KATNIP: variants seen among roughly 807,000 people sequenced by gnomAD.
KATNIP encodes katanin interacting protein.
Under a neutral mutation model 174.0 loss-of-function variants are expected in KATNIP, and 126 were observed. The observed-to-expected ratio is 0.72, with a 90% CI of 0.63 to 0.84. KATNIP has a LOEUF of 0.84. Among genes scored for constraint, KATNIP ranks in the 40% least tolerant of loss-of-function variants. KATNIP has a pLI of 0.00. For missense variants in KATNIP, 1,958 were observed against 2,109.7 expected, an observed-to-expected ratio of 0.93 and a Z score of 1.41; for synonymous variants, 810 against 835.7, an observed-to-expected ratio of 0.97 and a Z score of 0.53.
At chr16:27,726,331 G>A (rs60705880) in intron 14 of KATNIP, among the ~76,000 whole-genome samples, 203 of 152,272 alleles carry the variant, frequency 1.3e-3, no homozygotes, top group African/African-American at 4.5e-3. Context: ...GTAGGCCACC[G>A]CTGCTTGCTA....
chr16:27,554,466 A>G (rs975778663), intron 1 of KATNIP, among the ~76,000 whole-genome samples: 2 of 152,218 alleles, frequency 1.3e-5, no homozygotes, highest in Non-Finnish European at 2.9e-5. Context: ...CTGTCTCAAA[A>G]GAAAAAAAAT....
intron 12 of KATNIP, 125 bp downstream of exon 12, chr16:27,704,123 C>T (rs74016986): frequency 0.019 from 11,452 of 603,254 alleles, 384 homozygotes; most frequent in East Asian, 0.12. Context: ...GTTTCCACCG[C>T]CCCCCCCCTC....
chr16:27,669,821 T>C (rs1017626041), intron 6 of KATNIP, among the ~76,000 whole-genome samples: 1 of 151,058 alleles, frequency 6.6e-6, no homozygotes, highest in African/African-American at 2.4e-5. Context: ...ATATTTTCTT[T>C]GGGGAGAGGG....
At chr16:27,701,018 T>C (rs2079079021) in intron 10 of KATNIP, among the ~76,000 whole-genome samples, 2 of 151,962 alleles carry the variant, frequency 1.3e-5, no homozygotes, top group Non-Finnish European at 2.9e-5. Context: ...TTAGCGTCGA[T>C]GACAAATGAA....
At chr16:27,728,948 A>G (rs144648617) in intron 14 of KATNIP, among the ~76,000 whole-genome samples, 1 of 152,354 alleles carries the variant, frequency 6.6e-6, no homozygotes, top group African/African-American at 2.4e-5. Flanking sequence ...CTGGTGCAGC[A>G]GGAGAAATCA....
chr16:27,749,570 G>T lies in KATNIP; in HGVS notation c.2624-14G>T. ...ACTCACAGGGCTTCCCCCCTCTTGT[G>T]TCCTTTCTTCCAGAAGACACCTGGT... is the stretch of plus-strand genomic sequence containing the variant. On this transcript the variant is annotated splice_polypyrimidine_tract_variant and intron_variant, in intron 15 of 27. Coordinates refer to ENST00000261588, the MANE Select transcript of KATNIP (RefSeq NM_015202.5). The T allele has an allele frequency of 6.6e-7, 1 of 1,523,010 alleles. No individual in the cohort carries two copies. The allele number at this position is 1,523,010 out of a possible 1,614,324, so 94.3% of individuals were successfully genotyped here.
At chr16:27,684,146 C>G (rs1234215359) in intron 8 of KATNIP, among the ~76,000 whole-genome samples, 2 of 152,166 alleles carry the variant, frequency 1.3e-5, no homozygotes, top group Non-Finnish European at 2.9e-5. Context: ...GTGTGTAGGA[C>G]TACATATGTA....
At chr16:27,576,661 A>T (rs1220022510) in intron 2 of KATNIP, among the ~76,000 whole-genome samples, 1 of 151,942 alleles carries the variant, frequency 6.6e-6, no homozygotes, top group Non-Finnish European at 1.5e-5. Flanking sequence ...AAAACAAAAA[A>T]AAACAGCAAG....
rs1260516829 is a variant in KATNIP, at chr16:27,778,558, T to G, written c.4802-16T>G. 8 of 1,613,188 alleles carry G rather than the reference T, an allele frequency of 5.0e-6. No homozygotes were observed. The highest frequency in any genetic ancestry group is 1.7e-4 in the Middle Eastern group (1 of 6,054). On this transcript the variant is annotated splice_polypyrimidine_tract_variant and intron_variant, in intron 27 of 27. Coordinates refer to ENST00000261588, the MANE Select transcript of KATNIP (RefSeq NM_015202.5). ...AGACTTAGTAACTCTGGTCCCTCTG[T>G]TCCCTGTCATGACAGCCTTACGTCC...
chr16:27,777,748 C>A lies in KATNIP; in HGVS notation c.4690C>A (p.Gln1564Lys), dbSNP rs2082551656. 3.7e-6 allele frequency: 6 copies of A among 1,613,856 alleles called. No individual in the cohort carries two copies. The highest frequency in any genetic ancestry group is 3.4e-6 in the Non-Finnish European group (4 of 1,179,854). ...LFTEDRDIRH[Q>K]EKHTTISNQA... Reference sequence around the variant, plus strand: ...CACCGAGGACAGGGACATCCGCCACCAGGAGAAACACACCACCATCAGGTA... The same window carrying A: ...CACCGAGGACAGGGACATCCGCCACAAGGAGAAACACACCACCATCAGGTA... Residue 1564 changes from glutamine (Q) to lysine (K), a missense_variant, in exon 26 of 28, where the codon CAG becomes AAG. By Grantham distance (53) the Gln-to-Lys change is moderately conservative (BLOSUM62 1). This residue lies in a region of KATNIP where 383 missense variants were observed against 456.0 expected (regional missense o/e 0.84). Transcript: ENST00000261588. The surrounding 1 kb of genome is among the most constrained non-coding windows in gnomAD (Gnocchi z 4.4).
At chr16:27,734,450 G>A (rs185435084) in intron 14 of KATNIP, among the ~76,000 whole-genome samples, 20 of 149,184 alleles carry the variant, frequency 1.3e-4, no homozygotes, top group African/African-American at 4.7e-4. Context: ...TGTAATCCCA[G>A]CACTTTGGGA....
intron 2 of KATNIP, among the ~76,000 whole-genome samples, chr16:27,586,777 C>T (rs2141829899): frequency 6.7e-6 from 1 of 149,942 alleles, no homozygotes; most frequent in East Asian, 2.0e-4. Context: ...TGCAATAAGC[C>T]AAGATCGCGC....
At chr16:27,716,728 C>G (rs1281265992) in intron 13 of KATNIP, among the ~76,000 whole-genome samples, 14 of 152,182 alleles carry the variant, frequency 9.2e-5, no homozygotes, top group Non-Finnish European at 1.6e-4. Context: ...CCCTTGGGCT[C>G]CTCTTGTACA....
intron 20 of KATNIP, among the ~76,000 whole-genome samples, chr16:27,768,092 TG>T (rs71387800): frequency 1.4e-5 from 2 of 145,600 alleles, no homozygotes; most frequent in Admixed American, 6.8e-5. Context: ...GAGGTGGGGG[TG>T]GGGGGGAATG....
intron 12 of KATNIP, among the ~76,000 whole-genome samples, chr16:27,704,620 C>T (rs796932134): frequency 7.9e-5 from 12 of 152,190 alleles, no homozygotes; most frequent in African/African-American, 2.9e-4. Context: ...CTAAATGTCT[C>T]ATAACAATGG....
At chr16:27,578,902 G>A (rs1005241415) in intron 2 of KATNIP, among the ~76,000 whole-genome samples, 1 of 152,152 alleles carries the variant, frequency 6.6e-6, no homozygotes, top group Admixed American at 6.5e-5. Flanking sequence ...TCTGAAAAAT[G>A]TAGCTTTGAT....
intron 5 of KATNIP, among the ~76,000 whole-genome samples, chr16:27,634,483 T>C (rs554267246): frequency 6.6e-6 from 1 of 152,152 alleles, no homozygotes; most frequent in Non-Finnish European, 1.5e-5. Flanking sequence ...AGGACACCAT[T>C]GGGAAGGTGG....
chr16:27,579,630 TCCCCAGGCACCTGGGC>T (rs573421916), intron 2 of KATNIP, among the ~76,000 whole-genome samples: 108 of 152,114 alleles, frequency 7.1e-4, no homozygotes, highest in Admixed American at 2.4e-3. Flanking sequence ...TGGCTGTGTG[TCCCCAGGCACCTGGGC>T]CCCCAGGCAG....
chr16:27,630,435 G>T (rs2076450486), intron 4 of KATNIP, among the ~76,000 whole-genome samples: 2 of 152,178 alleles, frequency 1.3e-5, no homozygotes, highest in South Asian at 4.1e-4. Flanking sequence ...CAACAAAAGG[G>T]CAAGAAGAGA....
Sources: gnomAD v4.1 joint callset for allele counts (sites outside exome capture counted in the v4.1 genomes callset) on GRCh38, gnomAD v4.1.1 for gene constraint, gnomAD v4.1.1 regional missense constraint, Gnocchi (gnomAD v3.1) non-coding constraint, MANE v1.5 for transcripts, NCBI Gene and HGNC (gene_info 2026-07-23, HGNC 2026-07-21) for gene names.